NOBOX: variants seen among roughly 807,000 people sequenced by gnomAD.
NOBOX encodes NOBOX oogenesis homeobox, also known as homeobox protein NOBOX.
A neutral mutation model predicts 60.2 loss-of-function variants in NOBOX; 46 were observed. That is an observed-to-expected ratio of 0.76 (90% CI 0.60 to 0.98). The LOEUF (loss-of-function observed/expected upper bound fraction) is 0.98. NOBOX is among the 50% of genes least tolerant of loss of function. NOBOX has a pLI of 0.00. For synonymous variants in NOBOX, 360 were observed against 346.3 expected, an observed-to-expected ratio of 1.04 and a Z score of -0.44; for missense variants, 880 against 865.5, an observed-to-expected ratio of 1.02 and a Z score of -0.21.
intron 1 of NOBOX, among the ~76,000 whole-genome samples, chr7:144,409,193 G>C (rs1020337842): frequency 6.6e-6 from 1 of 152,104 alleles, no homozygotes; most frequent in African/African-American, 2.4e-5. Flanking sequence ...ATTAACTTTT[G>C]CTTAATAGTA....
chr7:144,399,370 C>A (rs2053919740), intron 7 of NOBOX, 27 bp downstream of exon 5: 2 of 1,486,418 alleles, frequency 1.3e-6, no homozygotes, highest in Admixed American at 1.9e-5. Context: ...TTGCCATTTT[C>A]CCCCAGCTCT....
At chr7:144,403,161 G>A (rs972457842) in intron 2 of NOBOX, among the ~76,000 whole-genome samples, 12 of 152,180 alleles carry the variant, frequency 7.9e-5, no homozygotes, top group African/African-American at 2.9e-4. Flanking sequence ...TGCATGAGAG[G>A]GTCTGGGCTG....
intron 1 of NOBOX, among the ~76,000 whole-genome samples, chr7:144,408,326 T>A (rs900993711): frequency 6.6e-6 from 1 of 152,016 alleles, no homozygotes; most frequent in Non-Finnish European, 1.5e-5. Flanking sequence ...GGCTCAGCCT[T>A]CCACAGCCAG....
rs1161469376 is a variant in NOBOX at position 144,401,755 on chromosome 7, T to C, written c.292+114A>G. On this transcript the variant is annotated intron_variant, in intron 3 of 9. Transcript: ENST00000467773. The surrounding 1 kb of genome is among the most constrained non-coding windows in gnomAD (Gnocchi z 4.2). ...TAATTCCACACTTACCTTCCTAGCT[T>C]GACTATTGTGAGGATTAAATCAGAT... The C allele has an allele frequency of 1.9e-6, 2 of 1,031,658 alleles. No homozygotes were observed. The highest frequency in any genetic ancestry group is 2.9e-6 in the Non-Finnish European group (2 of 701,560). 63.9% of individuals were successfully genotyped at this position (1,031,658 alleles called of 1,614,324 possible). A position where few individuals can be genotyped will look rare whatever the true frequency, so the allele number is the denominator to read the frequency against.
In NOBOX at chr7:144,399,081, TG is replaced by T; in HGVS notation, c.1337del (p.Pro446HisfsTer20). The T allele has an allele frequency of 8.4e-6, 8 of 957,222 alleles. No individual in the cohort carries two copies. Among genetic ancestry groups the T allele is most frequent in the South Asian group, 1.5e-5 (1 of 66,670 alleles). The allele number at this position is 957,222 out of a possible 1,614,324, so 59.3% of individuals were successfully genotyped here. ...AAGGAAGATCGGCCCTTCGCACAGG[TG>T]GGGGGCTGAAGAGTGGGGGGGTCAC... is the stretch of plus-strand genomic sequence containing the variant. On this transcript the variant is annotated frameshift_variant, in exon 8 of 10. Transcript: ENST00000467773. LOFTEE classifies it high-confidence loss of function.
chr7:144,405,574 C>T (rs563518247), intron 1 of NOBOX, among the ~76,000 whole-genome samples: 3 of 152,242 alleles, frequency 2.0e-5, no homozygotes, highest in East Asian at 1.9e-4. Flanking sequence ...ATCACAGTCC[C>T]GCTTAAAACC....
At chr7:144,404,414 A>AT (rs1337617944) in intron 2 of NOBOX, 9 of 703,002 alleles carry the variant, frequency 1.3e-5, no homozygotes, top group Non-Finnish European at 9.6e-6. Context: ...CGCCCGGCTA[A>AT]TTTTTTGTAT....
intron 1 of NOBOX, among the ~76,000 whole-genome samples, chr7:144,405,640 C>A (rs1388242208): frequency 6.6e-6 from 1 of 152,114 alleles, no homozygotes; most frequent in East Asian, 1.9e-4. Flanking sequence ...CTGGGTCTTT[C>A]CCCTGGATCC....
At position 144,403,698 on chromosome 7, in the gene NOBOX, T is replaced by A; in HGVS notation, c.210+858A>T. On this transcript the variant is annotated intron_variant, in intron 2 of 9. Transcript: ENST00000467773. ...GGGATTCTCTGTGGGTTCCATGGCC[T>A]GGACTCCCGCCGCCGCGGCCGGCCC... is the stretch of plus-strand genomic sequence containing the variant. The A allele has an allele frequency of 1.4e-6, 1 of 697,212 alleles. No individual in the cohort carries two copies. The highest frequency in any genetic ancestry group is 2.6e-6 in the Non-Finnish European group (1 of 382,334). 43.2% of individuals were successfully genotyped at this position (697,212 alleles called of 1,614,324 possible).
intron 9 of NOBOX, among the ~76,000 whole-genome samples, chr7:144,397,969 C>A (rs780514033): frequency 6.6e-6 from 1 of 152,100 alleles, no homozygotes; most frequent in Non-Finnish European, 1.5e-5. Context: ...TCACCAAGTC[C>A]CTCCCTGACA....
intron 2 of NOBOX, 40 bp from the exon 1 acceptor site, chr7:144,403,733 A>T: frequency 1.4e-6 from 1 of 693,960 alleles, no homozygotes; most frequent in Non-Finnish European, 2.6e-6. Context: ...CGTGATGCAC[A>T]GGCGCGGCCT....
In NOBOX at chr7:144,401,032, C is replaced by T. The variant is rs781566382; in HGVS notation, c.844+14G>A. ...ACCCCAGATCTCTTCGGTTTCCTCT[C>T]TTTAGGGACTTACCTGAGCGGTATA... On this transcript the variant is annotated intron_variant, in intron 4 of 9. Coordinates refer to ENST00000467773, the MANE Select transcript of NOBOX (RefSeq NM_001080413.3). This position sits in a 1 kb window ranked among gnomAD's most constrained non-coding sequence, Gnocchi z 4.2. The T allele has an allele frequency of 1.3e-6, 2 of 1,501,794 alleles. No homozygotes were observed. The highest frequency in any genetic ancestry group is 4.6e-5 in the East Asian group (2 of 43,906). The allele number at this position is 1,501,794 out of a possible 1,614,324, so 93.0% of individuals were successfully genotyped here.
intron 1 of NOBOX, among the ~76,000 whole-genome samples, chr7:144,406,699 T>C (rs1563131778): frequency 6.6e-6 from 1 of 152,248 alleles, no homozygotes; most frequent in Non-Finnish European, 1.5e-5. Flanking sequence ...AGATGTACAT[T>C]GCATGGGAAA....
At chr7:144,403,529 A>AC in intron 2 of NOBOX, 128 bp downstream of exon 1, 2 of 191,082 alleles carry the variant, frequency 1.0e-5, no homozygotes, top group South Asian at 4.7e-5. Flanking sequence ...ACCCCACCCG[A>AC]CTCCACCCGG....
At chr7:144,398,780 G>A (rs1184722947) in intron 8 of NOBOX, among the ~76,000 whole-genome samples, 170 bp downstream of exon 6, 4 of 151,918 alleles carry the variant, frequency 2.6e-5, no homozygotes, top group Non-Finnish European at 5.9e-5. Context: ...CTATTGCTGT[G>A]ATCCCCTAGG....
Position 144,399,861 on chromosome 7 carries a change from C to T in NOBOX, c.1050G>A (p.Val350=), listed in dbSNP as rs2053923979. Residue 350 remains valine, a splice_region_variant and synonymous_variant, in exon 6 of 10, where the codon GTG becomes GTA. Transcript: ENST00000467773. ...ACTTGGCCCGGCGATTCTGGAACCA[C>T]ACCTATGGGGGGAAAGGTGCTTGAA... is the stretch of plus-strand genomic sequence containing the variant. 4 of 1,609,814 alleles carry T rather than the reference C, an allele frequency of 2.5e-6. No homozygotes were observed. Among genetic ancestry groups the T allele is most frequent in the Non-Finnish European group, 3.4e-6 (4 of 1,176,854 alleles).
chr7:144,399,095 G>GT lies in NOBOX; in HGVS notation c.1323dup (p.Leu442ThrfsTer35). ...CTTCGCACAGGTGGGGGGCTGAAGA[G>GT]TGGGGGGGTCACCACCCTCTGAGCA... On this transcript the variant is annotated frameshift_variant, in exon 8 of 10. Coordinates refer to ENST00000467773, the MANE Select transcript of NOBOX (RefSeq NM_001080413.3). LOFTEE classifies it high-confidence loss of function. The GT allele has an allele frequency of 8.5e-7, 1 of 1,180,914 alleles. No homozygotes were observed. The highest frequency in any genetic ancestry group is 1.3e-6 in the Non-Finnish European group (1 of 793,646). The allele number at this position is 1,180,914 out of a possible 1,614,324, so 73.2% of individuals were successfully genotyped here.
chr7:144,398,646 C>G (rs1278421056), intron 8 of NOBOX, 60 bp from the exon 7 acceptor site: 1 of 1,248,016 alleles, frequency 8.0e-7, no homozygotes, highest in Non-Finnish European at 1.1e-6. Context: ...CCGTTCCTAC[C>G]ACAGTAGCGG....
At chr7:144,404,211 C>T (rs1488614263) in intron 2 of NOBOX, among the ~76,000 whole-genome samples, 1 of 152,192 alleles carries the variant, frequency 6.6e-6, no homozygotes, top group Non-Finnish European at 1.5e-5. Context: ...CCCCTCCAAG[C>T]CTCAGTATTA....
Sources: allele counts gnomAD v4.1 joint callset (sites outside exome capture counted in the v4.1 genomes callset), GRCh38; gene constraint gnomAD v4.1.1; non-coding constraint Gnocchi (gnomAD v3.1); transcripts MANE v1.5; gene names NCBI Gene and HGNC (gene_info 2026-07-23, HGNC 2026-07-21).